USP6NL: variants seen among roughly 807,000 people sequenced by gnomAD.
The protein encoded by USP6NL is USP6 N-terminal like.
In USP6NL, 26 loss-of-function variants were observed where a neutral mutation model predicts 61.9. That is an observed-to-expected ratio of 0.42 (90% confidence interval 0.31 to 0.58). USP6NL has a LOEUF of 0.58. Among genes scored for constraint, USP6NL ranks in the 20% least tolerant of loss-of-function variants. The pLI is 0.16. For synonymous variants in USP6NL, 432 were observed against 390.1 expected (o/e 1.11, Z -1.27); for missense variants, 1,114 against 1,034.3 (o/e 1.08, Z -1.06).
chr10:11,596,940 C>G lies in USP6NL; in HGVS notation c.4+691G>C, dbSNP rs775502434. ...TATCATCTTCCAATAAGAAAATGCT[C>G]ATTGCATCCCAAAGATTCCATAATC... On this transcript the variant is annotated intron_variant, in intron 2 of 14. Coordinates refer to ENST00000609104, the MANE Select transcript of USP6NL (RefSeq NM_014688.5). This position sits in a 1 kb window ranked among gnomAD's most constrained non-coding sequence, Gnocchi z 4.1. Among the ~76,000 whole-genome samples the G allele has an allele frequency of 6.6e-5, 10 of 152,070 alleles. No homozygotes were observed. Among genetic ancestry groups the G allele is most frequent in the Admixed American group, 3.3e-4 (5 of 15,264 alleles).
chr10:11,463,611 C>T lies in USP6NL; in HGVS notation c.1317G>A (p.Glu439=), dbSNP rs372189438. 6.2e-7 allele frequency: 1 copy of T among 1,613,968 alleles called. No homozygotes were observed. The highest frequency in any genetic ancestry group is 8.5e-7 in the Non-Finnish European group (1 of 1,179,876). Residue 439 remains glutamate (E), a synonymous_variant, in exon 15 of 15, where the codon GAG becomes GAA. Transcript: ENST00000609104. This position sits in a 1 kb window ranked among gnomAD's most constrained non-coding sequence, Gnocchi z 6.3. ...CTGCCTCATCTTTAAGCTTTTTGCT[C>T]TCCTCCTCCACCGATTTCCGTCTTG... ...QPPRRKSVEE[E]SKKLKDEADF... is the part of the protein sequence containing the mutation.
chr10:11,468,005 C>T lies in USP6NL; in HGVS notation c.1079-4156G>A, dbSNP rs761408033. ...CCAGACACTTTACTTTTGTTGATGG[C>T]ATTCTTCCAATTCATTAAATGAGCA... On this transcript the variant is annotated intron_variant, in intron 14 of 14. Coordinates refer to ENST00000609104, the MANE Select transcript of USP6NL (RefSeq NM_014688.5). The surrounding 1 kb of genome is among the most constrained non-coding windows in gnomAD (Gnocchi z 4.5). 6.6e-6 allele frequency among the ~76,000 whole-genome samples: 1 copy of T among 152,166 alleles called. No homozygotes were observed. The highest frequency in any genetic ancestry group is 1.5e-5 in the Non-Finnish European group (1 of 68,026).
At chr10:11,523,525 T>C (rs1329531465) in intron 4 of USP6NL, among the ~76,000 whole-genome samples, 2 of 152,244 alleles carry the variant, frequency 1.3e-5, no homozygotes, top group African/African-American at 4.8e-5. Flanking sequence ...GGACTGTGTA[T>C]GTGTGATCAC....
At chr10:11,473,628 G>A (rs1832848910) in intron 14 of USP6NL, among the ~76,000 whole-genome samples, 1 of 152,172 alleles carries the variant, frequency 6.6e-6, no homozygotes, top group Admixed American at 6.5e-5. Context: ...GGCCAGGTGG[G>A]TGTAATGCAC....
In USP6NL at chr10:11,474,010, A is replaced by G. The variant is rs1591820352; in HGVS notation, c.1078+7760T>C. On this transcript the variant is annotated intron_variant, in intron 14 of 14. Coordinates refer to ENST00000609104, the MANE Select transcript of USP6NL (RefSeq NM_014688.5). This position sits in a 1 kb window ranked among gnomAD's most constrained non-coding sequence, Gnocchi z 4.9. ...TCTCGCAGGCACCACCTTCGAGATAATAAAGGCGGTGCCACCCGATGGAAC... is the reference window on the plus strand; with the variant it reads ...TCTCGCAGGCACCACCTTCGAGATAGTAAAGGCGGTGCCACCCGATGGAAC... 2.6e-5 allele frequency among the ~76,000 whole-genome samples: 4 copies of G among 152,302 alleles called. No homozygotes were observed. The highest frequency in any genetic ancestry group is 9.6e-5 in the African/African-American group (4 of 41,548).
Position 11,495,897 on chromosome 10 carries a change from T to G in USP6NL, c.385-2669A>C, listed in dbSNP as rs1034715313. Reference sequence around the variant, plus strand: ...GCATGCCTGGGTGAGGCTTCCTGACTGTGATCCTGCTCGTGGAGGCATGTG... The same window carrying G: ...GCATGCCTGGGTGAGGCTTCCTGACGGTGATCCTGCTCGTGGAGGCATGTG... On this transcript the variant is annotated intron_variant, in intron 7 of 14. Transcript: ENST00000609104. This position sits in a 1 kb window ranked among gnomAD's most constrained non-coding sequence, Gnocchi z 4.6. 1.3e-5 allele frequency among the ~76,000 whole-genome samples: 2 copies of G among 152,238 alleles called. No individual in the cohort carries two copies. Among genetic ancestry groups the G allele is most frequent in the African/African-American group, 4.8e-5 (2 of 41,462 alleles).
intron 2 of USP6NL, among the ~76,000 whole-genome samples, chr10:11,590,952 TG>T (rs1446578174): frequency 5.9e-5 from 9 of 152,282 alleles, no homozygotes; most frequent in African/African-American, 2.2e-4. Context: ...ACCCAATAGA[TG>T]TACTCCTATA....
chr10:11,547,745 T>C (rs1004403688), intron 2 of USP6NL, among the ~76,000 whole-genome samples: 1 of 152,114 alleles, frequency 6.6e-6, no homozygotes, highest in African/African-American at 2.4e-5. Flanking sequence ...TGTCACCGTG[T>C]TATCCAGGAT....
chr10:11,537,688 G>A lies in USP6NL; in HGVS notation c.5-10121C>T, dbSNP rs532962823. On this transcript the variant is annotated intron_variant, in intron 2 of 14. Transcript: ENST00000609104. This position sits in a 1 kb window ranked among gnomAD's most constrained non-coding sequence, Gnocchi z 5.1. ...CAGTTGCCAAGCAAGTAGGGTCAGT[G>A]GGGCTGGGGAGGATGCAGCAAAGCT... 2.0e-5 allele frequency among the ~76,000 whole-genome samples: 3 copies of A among 152,282 alleles called. No individual in the cohort carries two copies. Among genetic ancestry groups the A allele is most frequent in the Non-Finnish European group, 4.4e-5 (3 of 68,012 alleles).
Position 11,482,651 on chromosome 10 carries a change from T to C in USP6NL, c.926-729A>G, listed in dbSNP as rs542926754. Among the ~76,000 whole-genome samples the C allele has an allele frequency of 4.6e-5, 7 of 152,352 alleles. No homozygotes were observed. Among genetic ancestry groups the C allele is most frequent in the South Asian group, 4.1e-4 (2 of 4,828 alleles). Reference sequence around the variant, plus strand: ...ATTTCAACAAATATGATGTGTACTATATGTAAGCATTGTAATTTACTTAAA... The same window carrying C: ...ATTTCAACAAATATGATGTGTACTACATGTAAGCATTGTAATTTACTTAAA... On this transcript the variant is annotated intron_variant, in intron 13 of 14. Transcript: ENST00000609104. The surrounding 1 kb of genome is among the most constrained non-coding windows in gnomAD (Gnocchi z 4.0).
Position 11,543,801 on chromosome 10 carries a change from A to AG in USP6NL, c.5-16235dup, listed in dbSNP as rs531796208. ...TGTCTGGGGATCCTGAAAAATATTT[A>AG]GGTTTTTTTTTTTTTTTTTTTTTTT... On this transcript the variant is annotated intron_variant, in intron 2 of 14. Transcript: ENST00000609104. Among the ~76,000 whole-genome samples the AG allele has an allele frequency of 3.9e-4, 38 of 97,548 alleles. 2 individuals carry two copies. The highest frequency in any genetic ancestry group is 1.2e-3 in the African/African-American group (33 of 26,862). 64.0% of individuals were successfully genotyped at this position (97,548 alleles called of 152,430 possible). A position where few individuals can be genotyped will look rare whatever the true frequency, so the allele number is the denominator to read the frequency against.
At position 11,569,625 on chromosome 10, in the gene USP6NL, T is replaced by C. The variant is rs140369435; in HGVS notation, c.4+28006A>G. On this transcript the variant is annotated intron_variant, in intron 2 of 14. Transcript: ENST00000609104. Reference sequence around the variant, plus strand: ...AACCCGAAGGCTGATCGATAAGGAATGTGACTGCTGGAGAAGGAGGGAAAA... The same window carrying C: ...AACCCGAAGGCTGATCGATAAGGAACGTGACTGCTGGAGAAGGAGGGAAAA... Among the ~76,000 whole-genome samples the C allele has an allele frequency of 7.7e-3, 1,178 of 152,276 alleles. 8 individuals carry two copies. Among genetic ancestry groups the C allele is most frequent in the Non-Finnish European group, 0.01 (701 of 68,018 alleles).
rs1277834471 is a variant in USP6NL at position 11,553,674 on chromosome 10, T to C, written c.5-26107A>G. Among the ~76,000 whole-genome samples, 1 of 152,016 alleles carries C rather than the reference T, an allele frequency of 6.6e-6. No homozygotes were observed. The highest frequency in any genetic ancestry group is 2.4e-5 in the African/African-American group (1 of 41,394). On this transcript the variant is annotated intron_variant, in intron 2 of 14. Transcript: ENST00000609104. This position sits in a 1 kb window ranked among gnomAD's most constrained non-coding sequence, Gnocchi z 4.8. ...CGTTGGAAGGCTGAGGTGGGTGGAT[T>C]ATCTGAGGTCAGGAGTTAAGAGACC...
At chr10:11,543,259 T>C (rs1482911933) in intron 2 of USP6NL, among the ~76,000 whole-genome samples, 1 of 152,104 alleles carries the variant, frequency 6.6e-6, no homozygotes. Context: ...TCTATATAAC[T>C]GGCCGGGAGC....
At chr10:11,467,779 T>C (rs1832537302) in intron 14 of USP6NL, among the ~76,000 whole-genome samples, 1 of 152,192 alleles carries the variant, frequency 6.6e-6, no homozygotes, top group South Asian at 2.1e-4. Context: ...TTTTAAATGC[T>C]CTTAGATTGA....
chr10:11,522,660 G>C (rs544171049), intron 4 of USP6NL, among the ~76,000 whole-genome samples: 3 of 152,322 alleles, frequency 2.0e-5, no homozygotes, highest in African/African-American at 7.2e-5. Context: ...ATGAGAATGA[G>C]TACCAATCTA....
Position 11,549,254 on chromosome 10 carries a change from GAAC to G in USP6NL, c.5-21690_5-21688del, listed in dbSNP as rs768025362. Among the ~76,000 whole-genome samples the G allele has an allele frequency of 2.8e-4, 43 of 152,072 alleles. 1 individual carries two copies. Among genetic ancestry groups the G allele is most frequent in the South Asian group, 2.5e-3 (12 of 4,824 alleles). On this transcript the variant is annotated intron_variant, in intron 2 of 14. Transcript: ENST00000609104. ...TTCAAAGATAATTTTACGATAAAAAGAACAACAACAACAAAAACAGATGGAAGC... is the reference window on the plus strand; with the variant it reads ...TTCAAAGATAATTTTACGATAAAAAGAACAACAACAAAAACAGATGGAAGC...
chr10:11,590,044 C>T (rs113257324), intron 2 of USP6NL, among the ~76,000 whole-genome samples: 38 of 152,256 alleles, frequency 2.5e-4, no homozygotes, highest in African/African-American at 7.7e-4. Flanking sequence ...ACTTCTGGGC[C>T]ACATTCATGA....
chr10:11,487,677 T>C lies in USP6NL; in HGVS notation c.664+1425A>G, dbSNP rs1833528157. ...TGGATGGCAACTCAATATAATAACA[T>C]GTCTTACTTTTAGAGCCTATTTACT... On this transcript the variant is annotated intron_variant, in intron 10 of 14. Coordinates refer to ENST00000609104, the MANE Select transcript of USP6NL (RefSeq NM_014688.5). The surrounding 1 kb of genome is among the most constrained non-coding windows in gnomAD (Gnocchi z 4.2). 6.6e-6 allele frequency among the ~76,000 whole-genome samples: 1 copy of C among 152,170 alleles called. No individual in the cohort carries two copies. The highest frequency in any genetic ancestry group is 2.4e-5 in the African/African-American group (1 of 41,434).
Sources: allele counts gnomAD v4.1 joint callset (sites outside exome capture counted in the v4.1 genomes callset), GRCh38; gene constraint gnomAD v4.1.1; non-coding constraint Gnocchi (gnomAD v3.1); transcripts MANE v1.5; gene names NCBI Gene and HGNC (gene_info 2026-07-23, HGNC 2026-07-21).